IFI16: variants seen among roughly 807,000 people sequenced by gnomAD.
The protein encoded by IFI16 is interferon gamma inducible protein 16.
A neutral mutation model predicts 68.4 loss-of-function variants in IFI16; 49 were observed. The observed-to-expected ratio is 0.72, with a 90% CI of 0.57 to 0.91. The LOEUF (loss-of-function observed/expected upper bound fraction) is 0.91, where lower values mean the gene tolerates loss of function less well. Ranked by LOEUF, IFI16 falls within the 40% of genes least tolerant of loss-of-function variation. IFI16 has a pLI of 0.00. For synonymous variants in IFI16, 307 were observed against 315.0 expected (o/e 0.97, Z 0.27); for missense variants, 878 against 942.9 (o/e 0.93, Z 0.90).
Position 159,014,868 on chromosome 1 carries a change from G to A in IFI16, c.188G>A (p.Gly63Asp). Residue 63 changes from glycine to aspartate, a missense_variant, in exon 2 of 12, where the codon GGC becomes GAC. This residue lies in a region of IFI16 where 65 missense variants were observed against 96.9 expected (regional missense o/e 0.67). Transcript: ENST00000295809. ...AAGTTCCGAGGTGATGCTGGTTTGG[G>A]CAAACTAATAAAAATTTTCGAAGAT... Reference protein sequence around the residue: ...EEKFRGDAGLGKLIKIFEDIP... With the variant: ...EEKFRGDAGLDKLIKIFEDIP... 6.2e-7 allele frequency: 1 copy of A among 1,613,902 alleles called. No individual in the cohort carries two copies. The highest frequency in any genetic ancestry group is 8.5e-7 in the Non-Finnish European group (1 of 1,179,896).
chr1:159,016,544 A>T lies in IFI16; in HGVS notation c.393A>T (p.Lys131Asn). 1 of 1,603,040 alleles carries T rather than the reference A, an allele frequency of 6.2e-7. No homozygotes were observed. Among genetic ancestry groups the T allele is most frequent in the Non-Finnish European group, 8.5e-7 (1 of 1,177,146 alleles). The change falls in exon 4 of 12, where the codon AAA (lysine) becomes AAT (asparagine). Residue 131 changes from lysine to asparagine, a missense_variant. Physicochemically the swap from Lys to Asn is moderately conservative, Grantham distance 94. Around this residue, in one of 4 missense-constraint regions of IFI16, gnomAD observed 443 missense variants for 421.8 expected, o/e 1.05. Transcript: ENST00000295809. ...CAAACCACTTTCAGAAAAGAAAAAA[A>T]TCAACCAAAGAAAAGGCTGGACCCA... ...EATPGAQKRK[K>N]STKEKAGPKG...
intron 6 of IFI16, among the ~76,000 whole-genome samples, chr1:159,030,807 T>C (rs1482547235): frequency 6.7e-6 from 1 of 148,896 alleles, no homozygotes; most frequent in Admixed American, 6.7e-5. Context: ...TCAGCTGCAA[T>C]AGTATAGGGA....
chr1:159,051,336 T>C (rs2101931093), intron 9 of IFI16, among the ~76,000 whole-genome samples: 1 of 152,246 alleles, frequency 6.6e-6, no homozygotes, highest in South Asian at 2.1e-4. Flanking sequence ...TCTCATCTCT[T>C]TTGGGAGTCA....
At chr1:159,028,373 AGT>A (rs1331177764) in intron 6 of IFI16, among the ~76,000 whole-genome samples, 1 of 152,056 alleles carries the variant, frequency 6.6e-6, no homozygotes, top group Non-Finnish European at 1.5e-5. Flanking sequence ...AGTCTGAGAG[AGT>A]ACTTGATATA....
intron 7 of IFI16, among the ~76,000 whole-genome samples, chr1:159,037,247 A>G (rs1214261358): frequency 2.6e-5 from 4 of 152,206 alleles, no homozygotes; most frequent in African/African-American, 9.7e-5. Context: ...TGCTGTGCCT[A>G]AAGACCCTAG....
At chr1:159,024,146 C>T (rs1429371382) in intron 6 of IFI16, among the ~76,000 whole-genome samples, 2 of 152,186 alleles carry the variant, frequency 1.3e-5, no homozygotes, top group Admixed American at 6.5e-5. Context: ...TCCAGCCAGG[C>T]ATTTGCATCT....
At chr1:159,043,331 A>G (rs1654782309) in intron 7 of IFI16, among the ~76,000 whole-genome samples, 1 of 152,274 alleles carries the variant, frequency 6.6e-6, no homozygotes, top group East Asian at 1.9e-4. Context: ...TACTCTGTCC[A>G]TGCATACTGG....
intron 9 of IFI16, among the ~76,000 whole-genome samples, chr1:159,050,044 C>T (rs1054679618): frequency 2.0e-5 from 3 of 152,138 alleles, no homozygotes; most frequent in Non-Finnish European, 4.4e-5. Flanking sequence ...CTATCTAATG[C>T]CACATTTCAG....
chr1:159,052,085 T>C lies in IFI16; in HGVS notation c.2072T>C (p.Phe691Ser), dbSNP rs1205112252. Residue 691 changes from phenylalanine (F) to serine (S), a missense_variant, in exon 10 of 12, where the codon TTT (phenylalanine) becomes TCT (serine). By Grantham distance (155) the Phe-to-Ser change is radical. Coordinates refer to ENST00000295809, the MANE Select transcript of IFI16 (RefSeq NM_001376587.1). ...AAAGGAAGTTTTGTGAATGGGGTGT[T>C]TGAGGTACATAAGGTAAGCCCACAC... ...QTKGSFVNGV[F>S]EVHKKNVRGE... 1.2e-6 allele frequency: 2 copies of C among 1,611,048 alleles called. No individual in the cohort carries two copies. The highest frequency in any genetic ancestry group is 1.7e-6 in the Non-Finnish European group (2 of 1,179,526).
intron 6 of IFI16, among the ~76,000 whole-genome samples, chr1:159,027,363 T>G (rs934187623): frequency 6.6e-6 from 1 of 152,228 alleles, no homozygotes; most frequent in Non-Finnish European, 1.5e-5. Context: ...CATCCCTGCG[T>G]CCCTGGTATG....
intron 6 of IFI16, among the ~76,000 whole-genome samples, chr1:159,022,679 T>G (rs1161188828): frequency 2.0e-5 from 3 of 152,222 alleles, no homozygotes; most frequent in African/African-American, 4.8e-5. Context: ...TGGATCAGTA[T>G]AAGCATGTTA....
At chr1:159,029,082 G>C (rs945258724) in intron 6 of IFI16, among the ~76,000 whole-genome samples, 10 of 152,092 alleles carry the variant, frequency 6.6e-5, no homozygotes, top group African/African-American at 2.4e-4. Context: ...TGTTTTATAA[G>C]TCCTATGAGA....
intron 8 of IFI16, among the ~76,000 whole-genome samples, chr1:159,049,185 C>CTGAG (rs1259775729): frequency 6.7e-6 from 1 of 149,402 alleles, no homozygotes; most frequent in Non-Finnish European, 1.5e-5. Context: ...GATGTGAAGA[C>CTGAG]TGAGTATTCC....
upstream of IFI16, among the ~76,000 whole-genome samples, chr1:159,006,939 A>T (rs921878109): frequency 4.6e-5 from 7 of 152,222 alleles, no homozygotes; most frequent in Admixed American, 4.6e-4. Context: ...ATAGAATTGA[A>T]TTGGCCTTTA....
chr1:159,012,924 C>A (rs917148232), intron 1 of IFI16, among the ~76,000 whole-genome samples: 1 of 152,090 alleles, frequency 6.6e-6, no homozygotes, highest in African/African-American at 2.4e-5. Context: ...GAACTTTGGA[C>A]CAACATTATA....
upstream of IFI16, among the ~76,000 whole-genome samples, chr1:159,008,241 T>A (rs1012416568): frequency 3.9e-5 from 6 of 152,216 alleles, no homozygotes; most frequent in Non-Finnish European, 8.8e-5. Context: ...ACTGTAATAA[T>A]GTAGCTACAT....
At chr1:159,009,368 C>T (rs1215263706), upstream of IFI16, 1 of 152,154 alleles carries the variant, frequency 6.6e-6, no homozygotes, top group Non-Finnish European at 1.5e-5. Flanking sequence ...ATGAATACTT[C>T]AGGTAGTATT....
At chr1:159,000,259 G>A (rs925410083) in exon 1 of IFI16, 3 of 257,520 alleles carry the variant, frequency 1.2e-5, no homozygotes, top group Middle Eastern at 4.6e-4. Flanking sequence ...GTTCCTCATC[G>A]GTGATGTTAT....
intron 6 of IFI16, among the ~76,000 whole-genome samples, chr1:159,023,461 T>C (rs1653464583): frequency 6.6e-6 from 1 of 152,192 alleles, no homozygotes; most frequent in Admixed American, 6.5e-5. Flanking sequence ...AAAAAAAATT[T>C]ATAGTTACTT....
Sources: gnomAD v4.1 joint callset for allele counts (sites outside exome capture counted in the v4.1 genomes callset) on GRCh38, gnomAD v4.1.1 for gene constraint, gnomAD v4.1.1 regional missense constraint, MANE v1.5 for transcripts, NCBI Gene and HGNC (gene_info 2026-07-23, HGNC 2026-07-21) for gene names.